The following GNPTAB variants were observed in gnomAD, a reference collection of about 807,000 sequenced individuals.
GNPTAB encodes N-acetylglucosamine-1-phosphate transferase subunits alpha and beta, also known as N-acetylglucosamine-1-phosphotransferase subunits alpha/beta.
Under a neutral mutation model 136.6 loss-of-function variants are expected in GNPTAB, and 92 were observed. That is an observed-to-expected ratio of 0.67 (90% CI 0.57 to 0.80). GNPTAB has a LOEUF of 0.80. Among genes scored for constraint, GNPTAB ranks in the 30% least tolerant of loss-of-function variants. The pLI, the probability that GNPTAB is intolerant of heterozygous loss-of-function variation, is 0.00. For synonymous variants in GNPTAB, 512 were observed against 535.1 expected (o/e 0.96, Z 0.60); for missense variants, 1,343 against 1,501.8 (o/e 0.89, Z 1.75).
intron 7 of GNPTAB, chr12:101,778,476 G>GT (rs1375371967): frequency 6.6e-6 from 1 of 152,172 alleles, no homozygotes; most frequent in Admixed American, 6.5e-5. Flanking sequence ...TTAATCTATG[G>GT]TTTTATCTGT....
chr12:101,767,113 T>C (rs12306283), intron 11 of GNPTAB, among the ~76,000 whole-genome samples: 2,309 of 152,334 alleles, frequency 0.015, 59 homozygotes, highest in African/African-American at 0.053. Flanking sequence ...ACTTGAAGCT[T>C]TGTTTTCTCC....
At chr12:101,754,324 G>A (rs1176099457) in intron 18 of GNPTAB, among the ~76,000 whole-genome samples, 2 of 152,090 alleles carry the variant, frequency 1.3e-5, no homozygotes, top group African/African-American at 4.8e-5. Context: ...CTACTCGAGA[G>A]GCTGAGGCAC....
At chr12:101,795,596 T>C (rs554809537) in intron 2 of GNPTAB, among the ~76,000 whole-genome samples, 3 of 151,810 alleles carry the variant, frequency 2.0e-5, no homozygotes, top group Non-Finnish European at 4.4e-5. Flanking sequence ...CTACTAAAAA[T>C]ACAAAAATTA....
intron 19 of GNPTAB, among the ~76,000 whole-genome samples, chr12:101,749,503 A>C (rs577572905): frequency 5.3e-5 from 8 of 152,284 alleles, no homozygotes; most frequent in Non-Finnish European, 1.0e-4. Flanking sequence ...TTATTTATTC[A>C]CTCAGTTTCT....
chr12:101,745,976 G>C lies in GNPTAB; in HGVS notation c.*1188C>G, dbSNP rs1242669215. The stretch of plus-strand genomic sequence containing the variant: ...GAACCCGGGAGGCGGAGGTTGCAGT[G>C]AGCTGAGATTGCGCCACTGCACTCC... On this transcript the variant is annotated 3_prime_UTR_variant, in exon 21 of 21. Coordinates refer to ENST00000299314, the MANE Select transcript of GNPTAB (RefSeq NM_024312.5). 1 of 152,384 alleles carries C rather than the reference G, an allele frequency of 6.6e-6. No homozygotes were observed. The highest frequency in any genetic ancestry group is 2.4e-5 in the African/African-American group (1 of 41,402). 9.4% of individuals were successfully genotyped at this position (152,384 alleles called of 1,614,324 possible).
Position 101,780,065 on chromosome 12 carries a change from T to G in GNPTAB, c.771+87A>C, listed in dbSNP as rs532597639. On this transcript the variant is annotated intron_variant, in intron 7 of 20. Transcript: ENST00000299314. ...GCTTCTTATGTTTATCAGCTAAACT[T>G]TGGGGGAAAAAAATGGACCACAAGA... 9.2e-6 allele frequency: 12 copies of G among 1,310,894 alleles called. No homozygotes were observed. The African/African-American group carries it at 1.7e-4, about 19-fold the overall frequency. The allele number at this position is 1,310,894 out of a possible 1,614,324, so 81.2% of individuals were successfully genotyped here.
At chr12:101,798,739 T>A (rs1033320729) in intron 1 of GNPTAB, among the ~76,000 whole-genome samples, 12 of 152,202 alleles carry the variant, frequency 7.9e-5, no homozygotes, top group African/African-American at 2.9e-4. Flanking sequence ...GTTGCGAGTA[T>A]CTGTAGTGAC....
intron 3 of GNPTAB, 143 bp downstream of exon 3, chr12:101,789,795 T>A (rs779422825): frequency 3.8e-5 from 35 of 920,302 alleles, no homozygotes; most frequent in Admixed American, 1.1e-4. Flanking sequence ...GTTTTGTTTT[T>A]TAAAAATCAG....
At chr12:101,801,796 A>T (rs1288891586) in intron 1 of GNPTAB, among the ~76,000 whole-genome samples, 1 of 152,084 alleles carries the variant, frequency 6.6e-6, no homozygotes, top group Non-Finnish European at 1.5e-5. Flanking sequence ...TAATTCCAGC[A>T]CTTTGCAAGG....
intron 2 of GNPTAB, chr12:101,795,753 A>C (rs1414102634): frequency 2.6e-5 from 4 of 151,644 alleles, no homozygotes; most frequent in Non-Finnish European, 5.9e-5. Context: ...TCTGTCTCCA[A>C]AAAAAAATAA....
intron 1 of GNPTAB, among the ~76,000 whole-genome samples, chr12:101,799,114 C>T (rs1252555102): frequency 6.6e-6 from 1 of 151,934 alleles, no homozygotes; most frequent in Non-Finnish European, 1.5e-5. Flanking sequence ...GCATTTTTTG[C>T]TAAATGCCTC....
At chr12:101,752,191 A>G (rs1376460308) in intron 19 of GNPTAB, among the ~76,000 whole-genome samples, 1 of 152,204 alleles carries the variant, frequency 6.6e-6, no homozygotes, top group African/African-American at 2.4e-5. Flanking sequence ...TGGGAGCCTG[A>G]GGCGGGAGGA....
chr12:101,761,747 T>C lies in GNPTAB; in HGVS notation c.2732A>G (p.Lys911Arg). Residue 911 changes from lysine (K) to arginine (R), a missense_variant, in exon 14 of 21, where the codon AAG (lysine) becomes AGG (arginine). Physicochemically the swap from Lys to Arg is conservative, Grantham distance 26 (BLOSUM62 2). Coordinates refer to ENST00000299314, the MANE Select transcript of GNPTAB (RefSeq NM_024312.5). ...QDLLDEEESL[K>R]TQLAYFTDSK... is the part of the protein sequence containing the mutation. The stretch of plus-strand genomic sequence containing the variant: ...ATCAGTGAAGTATGCCAATTGTGTC[T>C]TCAATGACTCTTCTTCCTGAAAAGA... 6.2e-7 allele frequency: 1 copy of C among 1,612,498 alleles called. No homozygotes were observed. The highest frequency in any genetic ancestry group is 8.5e-7 in the Non-Finnish European group (1 of 1,178,560).
intron 2 of GNPTAB, chr12:101,795,958 A>G (rs1013225650): frequency 1.1e-5 from 3 of 276,020 alleles, no homozygotes; most frequent in African/African-American, 4.5e-5. Context: ...TGTGAAGAGG[A>G]AAAAAAAAAT....
chr12:101,807,107 G>C (rs1389228354), intron 1 of GNPTAB, among the ~76,000 whole-genome samples: 2 of 152,058 alleles, frequency 1.3e-5, no homozygotes, highest in Non-Finnish European at 2.9e-5. Flanking sequence ...TTCATCCCAG[G>C]TATACAAGCC....
At chr12:101,807,427 C>A (rs1869983097) in intron 1 of GNPTAB, among the ~76,000 whole-genome samples, 1 of 151,986 alleles carries the variant, frequency 6.6e-6, no homozygotes, top group South Asian at 2.1e-4. Context: ...TACCTGAAGT[C>A]CTAGCTGATG....
At chr12:101,770,866 G>A in intron 8 of GNPTAB, 130 bp downstream of exon 8, 1 of 978,516 alleles carries the variant, frequency 1.0e-6, no homozygotes, top group Non-Finnish European at 1.6e-6. Context: ...GGCAGTGACT[G>A]AAAAATTAGA....
At chr12:101,772,139 A>T (rs1368053811) in intron 7 of GNPTAB, among the ~76,000 whole-genome samples, 4 of 151,786 alleles carry the variant, frequency 2.6e-5, no homozygotes, top group African/African-American at 9.7e-5. Flanking sequence ...AGTCCACACC[A>T]CTCTTTATCT....
chr12:101,791,772 G>A (rs1869007616), intron 2 of GNPTAB, among the ~76,000 whole-genome samples: 1 of 152,098 alleles, frequency 6.6e-6, no homozygotes, highest in South Asian at 2.1e-4. Flanking sequence ...CTATTTGGTA[G>A]CTAAATCTTT....
Sources: allele counts gnomAD v4.1 joint callset (sites outside exome capture counted in the v4.1 genomes callset), GRCh38; gene constraint gnomAD v4.1.1; transcripts MANE v1.5; gene names NCBI Gene and HGNC (gene_info 2026-07-23, HGNC 2026-07-21).